The following KCTD8 variants were observed in gnomAD, a reference collection of about 807,000 sequenced individuals.
KCTD8 encodes the protein potassium channel tetramerization domain containing 8.
In KCTD8, 27 loss-of-function variants were observed where a neutral mutation model predicts 31.5. The observed-to-expected ratio is 0.86, with a 90% CI of 0.63 to 1.18. The LOEUF (loss-of-function observed/expected upper bound fraction) is 1.18. Ranked by LOEUF, KCTD8 falls within the 50% of genes most tolerant of loss-of-function variation. The probability of loss-of-function intolerance (pLI) is 0.00; values close to 1 mark genes in which losing one functional copy is unlikely to be tolerated. For missense variants in KCTD8, 658 were observed against 647.7 expected, an observed-to-expected ratio of 1.02 and a Z score of -0.17; for synonymous variants, 290 against 280.0, an observed-to-expected ratio of 1.04 and a Z score of -0.36.
At chr4:44,447,441 T>C (rs1035658980) in intron 1 of KCTD8, 122 bp downstream of exon 1, 1 of 1,384,574 alleles carries the variant, frequency 7.2e-7, no homozygotes, top group African/African-American at 1.5e-5. Context: ...AGAGCCGCTC[T>C]CTATAAGGAG....
intron 1 of KCTD8, among the ~76,000 whole-genome samples, chr4:44,287,917 T>G (rs2109383090): frequency 6.6e-6 from 1 of 152,302 alleles, no homozygotes. Context: ...ATGTAGATGG[T>G]TATACAATAA....
At chr4:44,206,296 GCTCTGAAATTTGCAAAC>G (rs1452027305) in intron 1 of KCTD8, among the ~76,000 whole-genome samples, 2 of 151,970 alleles carry the variant, frequency 1.3e-5, no homozygotes, top group Non-Finnish European at 2.9e-5. Context: ...ACCCTTTTCA[GCTCTGAAATTTGCAAAC>G]ATCCTAGTAA....
intron 1 of KCTD8, among the ~76,000 whole-genome samples, chr4:44,336,118 C>G (rs1176734089): frequency 2.4e-5 from 3 of 123,466 alleles, no homozygotes; most frequent in Non-Finnish European, 4.8e-5. Context: ...CCACTGCACT[C>G]CAGCCTGGGC....
chr4:44,427,120 G>T (rs1248879134), intron 1 of KCTD8, among the ~76,000 whole-genome samples: 1 of 151,404 alleles, frequency 6.6e-6, no homozygotes, highest in Non-Finnish European at 1.5e-5. Context: ...TACAAAAGAA[G>T]TGCATTCCTA....
chr4:44,396,113 A>G (rs1372062774), intron 1 of KCTD8, among the ~76,000 whole-genome samples: 2 of 152,074 alleles, frequency 1.3e-5, no homozygotes, highest in Admixed American at 6.6e-5. Flanking sequence ...GTGATGAGAG[A>G]CAGTGACAGA....
rs150774796 is a variant in KCTD8, at chr4:44,180,245, A to G, written c.962-4995T>C. Among the ~76,000 whole-genome samples, 749 of 152,292 alleles carry G rather than the reference A, an allele frequency of 4.9e-3. 6 individuals are homozygous for G. The highest frequency in any genetic ancestry group is 0.017 in the African/African-American group (711 of 41,560). On this transcript the variant is annotated intron_variant, in intron 1 of 1. Transcript: ENST00000360029. ...GATCTCATCAGCTAGGATTTCTTCC[A>G]TCATATAAAGAACTCATCACCATTT...
At chr4:44,265,385 C>A (rs922955230) in intron 1 of KCTD8, among the ~76,000 whole-genome samples, 1 of 152,054 alleles carries the variant, frequency 6.6e-6, no homozygotes, top group African/African-American at 2.4e-5. Flanking sequence ...CACCAAAAAC[C>A]CATCTGTACA....
At chr4:44,366,152 C>T (rs990964562) in intron 1 of KCTD8, among the ~76,000 whole-genome samples, 3 of 151,850 alleles carry the variant, frequency 2.0e-5, no homozygotes, top group African/African-American at 4.8e-5. Context: ...TAAGAATGTA[C>T]GACTAGAAAA....
At chr4:44,359,415 G>T (rs1405935114) in intron 1 of KCTD8, among the ~76,000 whole-genome samples, 1 of 151,990 alleles carries the variant, frequency 6.6e-6, no homozygotes, top group African/African-American at 2.4e-5. Flanking sequence ...TTTTGCATAT[G>T]CCAACTTATT....
intron 1 of KCTD8, among the ~76,000 whole-genome samples, chr4:44,402,927 G>T (rs1720700956): frequency 1.3e-5 from 2 of 152,258 alleles, no homozygotes; most frequent in South Asian, 4.1e-4. Flanking sequence ...ACAAAGGAAT[G>T]AACTAAAGAT....
intron 1 of KCTD8, among the ~76,000 whole-genome samples, chr4:44,240,713 C>T (rs1008073075): frequency 1.2e-4 from 19 of 152,136 alleles, no homozygotes; most frequent in Non-Finnish European, 2.1e-4. Context: ...CAAGTATCTT[C>T]AGGAGTACAG....
chr4:44,394,018 T>A (rs1209615474), intron 1 of KCTD8, among the ~76,000 whole-genome samples: 1 of 152,048 alleles, frequency 6.6e-6, no homozygotes, highest in Non-Finnish European at 1.5e-5. Context: ...GAATATAATA[T>A]AAGCATTCAT....
intron 1 of KCTD8, among the ~76,000 whole-genome samples, chr4:44,418,064 G>T (rs1025253905): frequency 6.6e-6 from 1 of 152,130 alleles, no homozygotes; most frequent in Non-Finnish European, 1.5e-5. Context: ...ATAGTTTGAT[G>T]AATGCTATAA....
intron 1 of KCTD8, 55 bp downstream of exon 1, chr4:44,447,508 C>G (rs1428309280): frequency 2.1e-6 from 3 of 1,456,294 alleles, no homozygotes; most frequent in Non-Finnish European, 2.7e-6. Flanking sequence ...CTCAAACTGG[C>G]GGCGGCTCAG....
chr4:44,227,539 C>G (rs1490854973), intron 1 of KCTD8, among the ~76,000 whole-genome samples: 1 of 152,150 alleles, frequency 6.6e-6, no homozygotes, highest in African/African-American at 2.4e-5. Context: ...TAAGTGGGAT[C>G]AAGTGACAGA....
chr4:44,209,179 A>G (rs1245332557), intron 1 of KCTD8, among the ~76,000 whole-genome samples: 1 of 152,090 alleles, frequency 6.6e-6, no homozygotes, highest in Non-Finnish European at 1.5e-5. Flanking sequence ...GATTTTTATT[A>G]TGCACAAACA....
At chr4:44,290,122 T>C (rs1286130853) in intron 1 of KCTD8, among the ~76,000 whole-genome samples, 1 of 151,830 alleles carries the variant, frequency 6.6e-6, no homozygotes, top group Non-Finnish European at 1.5e-5. Flanking sequence ...TGGAGAAAGA[T>C]CTACCATACA....
At chr4:44,439,352 C>T (rs771423269) in intron 1 of KCTD8, among the ~76,000 whole-genome samples, 10 of 151,756 alleles carry the variant, frequency 6.6e-5, no homozygotes, top group African/African-American at 1.5e-4. Flanking sequence ...CTTTTTTCCC[C>T]GATAAAAGCA....
intron 1 of KCTD8, among the ~76,000 whole-genome samples, chr4:44,351,457 G>GT (rs570786640): frequency 9.2e-4 from 140 of 152,048 alleles, no homozygotes; most frequent in Non-Finnish European, 1.9e-4. Context: ...CATTTTGGCC[G>GT]TTTCTTCAGA....
Sources: gnomAD v4.1 joint callset for allele counts (sites outside exome capture counted in the v4.1 genomes callset) on GRCh38, gnomAD v4.1.1 for gene constraint, MANE v1.5 for transcripts, NCBI Gene and HGNC (gene_info 2026-07-23, HGNC 2026-07-21) for gene names.